Variants in SCAPER observed in about 807,000 individuals in gnomAD.
SCAPER encodes the protein S-phase cyclin A associated protein in the ER.
A neutral mutation model predicts 182.2 loss-of-function variants in SCAPER; 98 were observed. That is an observed-to-expected ratio of 0.54 (90% confidence interval 0.46 to 0.64). The LOEUF is 0.64. Ranked by LOEUF, SCAPER falls within the 30% of genes least tolerant of loss-of-function variation. The pLI is 0.00. For synonymous variants in SCAPER, 605 were observed against 564.6 expected (o/e 1.07, Z -1.01); for missense variants, 1,432 against 1,690.0 (o/e 0.85, Z 2.68).
In SCAPER at chr15:76,695,746, TAC is replaced by T. The variant is rs572742574; in HGVS notation, c.2508+6010_2508+6011del. ...CCACATATTCTCTGCACATCCAAGT[TAC>T]AGTGTGAAAACTTAGAATATATAAA... On this transcript the variant is annotated intron_variant, in intron 20 of 31. Coordinates refer to ENST00000563290, the MANE Select transcript of SCAPER (RefSeq NM_020843.4). Among the ~76,000 whole-genome samples, 31 of 152,244 alleles carry T rather than the reference TAC, an allele frequency of 2.0e-4. No individual in the cohort carries two copies. In the South Asian group the frequency reaches 5.8e-3, roughly 29 times the overall value.
chr15:76,567,988 G>T (rs1314996299), intron 23 of SCAPER, among the ~76,000 whole-genome samples: 1 of 151,744 alleles, frequency 6.6e-6, no homozygotes, highest in Non-Finnish European at 1.5e-5. Context: ...CTAAAAATTA[G>T]TTTTTTCTTT....
chr15:76,407,410 G>A (rs1596472585), intron 26 of SCAPER, among the ~76,000 whole-genome samples: 1 of 152,308 alleles, frequency 6.6e-6, no homozygotes, highest in African/African-American at 2.4e-5. Context: ...ATTATGCAGT[G>A]CATTACTATA....
At chr15:76,757,997 T>C (rs1217654510) in intron 14 of SCAPER, among the ~76,000 whole-genome samples, 1 of 152,206 alleles carries the variant, frequency 6.6e-6, no homozygotes, top group African/African-American at 2.4e-5. Context: ...ATATTTTAGA[T>C]ATTAATGCCT....
At chr15:76,717,689 A>G (rs1327563928) in intron 17 of SCAPER, among the ~76,000 whole-genome samples, 1 of 152,150 alleles carries the variant, frequency 6.6e-6, no homozygotes, top group Non-Finnish European at 1.5e-5. Context: ...TAGCAAATAT[A>G]CAAATAATAA....
intron 15 of SCAPER, 75 bp downstream of exon 15, chr15:76,753,733 T>C (rs2062237564): frequency 6.8e-7 from 1 of 1,464,244 alleles, no homozygotes; most frequent in African/African-American, 1.4e-5. Flanking sequence ...AAACATTATC[T>C]TCTATTACTA....
At chr15:76,426,056 G>A (rs1172648123) in intron 26 of SCAPER, among the ~76,000 whole-genome samples, 1 of 152,178 alleles carries the variant, frequency 6.6e-6, no homozygotes, top group Non-Finnish European at 1.5e-5. Flanking sequence ...GCTACTCGGG[G>A]GTCAGGGACC....
chr15:76,432,322 C>G (rs1302088322), intron 26 of SCAPER, among the ~76,000 whole-genome samples: 2 of 152,194 alleles, frequency 1.3e-5, no homozygotes, highest in Non-Finnish European at 2.9e-5. Context: ...GGGCCTGGTG[C>G]TCTCCAGTAA....
At chr15:76,868,726 T>C (rs1305981188) in intron 2 of SCAPER, among the ~76,000 whole-genome samples, 1 of 152,098 alleles carries the variant, frequency 6.6e-6, no homozygotes, top group Non-Finnish European at 1.5e-5. Context: ...AATTTACAGA[T>C]TCAATGCAAT....
intron 1 of SCAPER, among the ~76,000 whole-genome samples, chr15:76,888,042 G>A (rs2073948067): frequency 6.6e-6 from 1 of 152,200 alleles, no homozygotes; most frequent in African/African-American, 2.4e-5. Flanking sequence ...AACAGTGTCT[G>A]GAGTGGACCT....
At chr15:76,473,000 T>G (rs1303819256) in intron 24 of SCAPER, among the ~76,000 whole-genome samples, 1 of 152,198 alleles carries the variant, frequency 6.6e-6, no homozygotes, top group African/African-American at 2.4e-5. Flanking sequence ...CAATCAGACT[T>G]TCCAGTGGTG....
At chr15:76,514,640 G>A (rs1442708505) in intron 23 of SCAPER, among the ~76,000 whole-genome samples, 2 of 152,188 alleles carry the variant, frequency 1.3e-5, no homozygotes, top group Non-Finnish European at 2.9e-5. Flanking sequence ...TAGCAGTATA[G>A]GCTACATTTG....
chr15:76,374,559 C>A (rs1458786044), intron 29 of SCAPER, among the ~76,000 whole-genome samples: 1 of 147,338 alleles, frequency 6.8e-6, no homozygotes, highest in Non-Finnish European at 1.5e-5. Context: ...CTCGGCTCAT[C>A]GCAACCTCTG....
intron 5 of SCAPER, among the ~76,000 whole-genome samples, chr15:76,840,610 A>G (rs1370516181): frequency 6.6e-6 from 1 of 152,182 alleles, no homozygotes; most frequent in Non-Finnish European, 1.5e-5. Context: ...TGCTGTCTCA[A>G]TATGTAACTC....
At chr15:76,789,578 T>A (rs2064858121) in intron 8 of SCAPER, among the ~76,000 whole-genome samples, 1 of 152,182 alleles carries the variant, frequency 6.6e-6, no homozygotes, top group African/African-American at 2.4e-5. Flanking sequence ...TCTTTAAAAC[T>A]GAGAAATTAG....
At chr15:76,551,674 T>C (rs1385982190) in intron 23 of SCAPER, among the ~76,000 whole-genome samples, 3 of 152,158 alleles carry the variant, frequency 2.0e-5, no homozygotes, top group Non-Finnish European at 4.4e-5. Context: ...ATACTCTGTA[T>C]ATCAAAATTA....
intron 21 of SCAPER, 22 bp downstream of exon 21, chr15:76,665,631 C>G: frequency 6.4e-7 from 1 of 1,564,856 alleles, no homozygotes; most frequent in Non-Finnish European, 8.6e-7. Context: ...TTTTCTTTTG[C>G]TTTTAAGGGT....
At chr15:76,788,459 A>G (rs923784498) in intron 8 of SCAPER, among the ~76,000 whole-genome samples, 13 of 152,214 alleles carry the variant, frequency 8.5e-5, no homozygotes, top group African/African-American at 2.9e-4. Flanking sequence ...ATAAATCTGT[A>G]TATCATAGAA....
At chr15:76,373,192 C>T (rs552392026) in intron 29 of SCAPER, among the ~76,000 whole-genome samples, 6 of 152,010 alleles carry the variant, frequency 3.9e-5, no homozygotes, top group Admixed American at 3.3e-4. Context: ...GGATTTCAGG[C>T]GCCTGCCATC....
intron 2 of SCAPER, among the ~76,000 whole-genome samples, chr15:76,867,275 G>T (rs1435448184): frequency 6.6e-6 from 1 of 152,056 alleles, no homozygotes; most frequent in African/African-American, 2.4e-5. Context: ...TGAAATTCTT[G>T]TATCTTTTTT....
Sources: gnomAD v4.1 joint callset for allele counts (sites outside exome capture counted in the v4.1 genomes callset) on GRCh38, gnomAD v4.1.1 for gene constraint, MANE v1.5 for transcripts, NCBI Gene and HGNC (gene_info 2026-07-23, HGNC 2026-07-21) for gene names.